Variants in FFAR4 observed in about 807,000 individuals in gnomAD.
FFAR4 encodes G-protein coupled receptor 120.
A neutral mutation model predicts 27.0 loss-of-function variants in FFAR4; 19 were observed. The observed-to-expected ratio is 0.70, with a 90% CI of 0.49 to 1.03. The LOEUF (loss-of-function observed/expected upper bound fraction) is 1.03, where lower values mean the gene tolerates loss of function less well. Among genes scored for constraint, FFAR4 ranks in the 50% least tolerant of loss-of-function variants. The pLI is 0.00. For missense variants in FFAR4, 476 were observed against 479.0 expected (o/e 0.99, Z 0.06); for synonymous variants, 254 against 215.6 (o/e 1.18, Z -1.56).
At chr10:93,583,152 T>C (rs540520861) in intron 2 of FFAR4, among the ~76,000 whole-genome samples, 66 of 149,930 alleles carry the variant, frequency 4.4e-4, no homozygotes, top group African/African-American at 1.1e-3. Flanking sequence ...TCTGTAATCC[T>C]AGCACTTTGG....
intron 1 of FFAR4, among the ~76,000 whole-genome samples, chr10:93,571,036 T>C (rs1486395214): frequency 1.3e-5 from 2 of 152,242 alleles, no homozygotes; most frequent in Non-Finnish European, 2.9e-5. Flanking sequence ...TAGCTATTAT[T>C]AGTTTCCTTA....
intron 2 of FFAR4, among the ~76,000 whole-genome samples, chr10:93,578,313 A>G (rs1189942060): frequency 6.9e-6 from 1 of 145,976 alleles, no homozygotes; most frequent in Non-Finnish European, 1.5e-5. Flanking sequence ...GCTACTGTGG[A>G]GGCTGAGGCA....
At chr10:93,583,821 G>T (rs944256556) in intron 2 of FFAR4, among the ~76,000 whole-genome samples, 12 of 152,242 alleles carry the variant, frequency 7.9e-5, no homozygotes, top group African/African-American at 2.7e-4. Flanking sequence ...CTAAGTGATA[G>T]GTAAGGGCCT....
In FFAR4 at chr10:93,566,728, C is replaced by T; in HGVS notation, c.8C>T (p.Pro3Leu). MSPECARAAGDAP... is the reference protein window; with the variant it reads MSLECARAAGDAP... ...GGCCGCCAGGCGCCGGGAATGTCCC[C>T]TGAATGCGCGCGGGCAGCGGGCGAC... Residue 3 changes from proline (P) to leucine (L), a missense_variant, in exon 1 of 3, where the codon CCT (proline) becomes CTT (leucine). Transcript: ENST00000371481. The T allele has an allele frequency of 6.3e-7, 1 of 1,592,976 alleles. No homozygotes were observed. The highest frequency in any genetic ancestry group is 8.5e-7 in the Non-Finnish European group (1 of 1,173,630).
chr10:93,574,554 A>C (rs532448821), intron 1 of FFAR4, among the ~76,000 whole-genome samples: 4 of 152,270 alleles, frequency 2.6e-5, no homozygotes, highest in African/African-American at 9.6e-5. Flanking sequence ...TCTGGAGAGC[A>C]GTAGTAGCCT....
intron 2 of FFAR4, among the ~76,000 whole-genome samples, chr10:93,580,792 G>A (rs967996530): frequency 6.6e-6 from 1 of 152,224 alleles, no homozygotes; most frequent in Non-Finnish European, 1.5e-5. Context: ...TTCAGGGGCT[G>A]CTTCATGTGC....
At chr10:93,571,134 G>A (rs562554571) in intron 1 of FFAR4, among the ~76,000 whole-genome samples, 15 of 152,152 alleles carry the variant, frequency 9.9e-5, no homozygotes, top group South Asian at 2.1e-4. Context: ...TTAAGAGGGC[G>A]AACACATCCT....
chr10:93,574,268 C>A (rs942360393), intron 1 of FFAR4, among the ~76,000 whole-genome samples: 5 of 152,122 alleles, frequency 3.3e-5, no homozygotes, highest in East Asian at 1.9e-4. Context: ...GTCTTGCTAA[C>A]CCTGGAGAGA....
At chr10:93,574,699 T>C (rs576184411) in intron 1 of FFAR4, among the ~76,000 whole-genome samples, 68 of 151,442 alleles carry the variant, frequency 4.5e-4, no homozygotes, top group Admixed American at 7.9e-4. Context: ...CCATTCTGGC[T>C]AACATGGTGA....
intron 1 of FFAR4, among the ~76,000 whole-genome samples, chr10:93,570,874 C>G (rs1241019646): frequency 6.6e-6 from 1 of 152,132 alleles, no homozygotes; most frequent in Non-Finnish European, 1.5e-5. Context: ...TGACAGAATC[C>G]AAGCTGTCTA....
Position 93,587,968 on chromosome 10 carries a change from G to A in FFAR4, c.*359G>A, listed in dbSNP as rs12245119. 2,901 of 172,440 alleles carry A rather than the reference G, an allele frequency of 0.017. 75 individuals are homozygous for A. The highest frequency in any genetic ancestry group is 0.065 in the African/African-American group (2,737 of 41,790). The allele number at this position is 172,440 out of a possible 1,614,324, so 10.7% of individuals were successfully genotyped here. ...TAGCTGGGAGTGGTGGTGGGCACCTGTAATCCTAGCTACTTGGGAGGCTGA... is the reference window on the plus strand; with the variant it reads ...TAGCTGGGAGTGGTGGTGGGCACCTATAATCCTAGCTACTTGGGAGGCTGA... On this transcript the variant is annotated 3_prime_UTR_variant, in exon 3 of 3. Transcript: ENST00000371481.
chr10:93,571,780 A>G (rs1476465698), intron 1 of FFAR4, among the ~76,000 whole-genome samples: 1 of 152,182 alleles, frequency 6.6e-6, no homozygotes, highest in Admixed American at 6.5e-5. Flanking sequence ...GAAATATCCA[A>G]CTAGGACTCC....
chr10:93,571,694 C>G (rs1259330858), intron 1 of FFAR4, among the ~76,000 whole-genome samples: 1 of 152,152 alleles, frequency 6.6e-6, no homozygotes. Flanking sequence ...TTAGAGAATA[C>G]TTTTGAAATA....
rs1475048812 is a variant in FFAR4 at position 93,567,123 on chromosome 10, G to GA, written c.404dup (p.Arg136AlafsTer178). ...CCTCACGCTGGCCGCGGTCAGCCTG[G>GA]AGCGCATGGTGTGCATCGTGCACCT... On this transcript the variant is annotated frameshift_variant, in exon 1 of 3. Transcript: ENST00000371481. LOFTEE classifies it high-confidence loss of function. The GA allele has an allele frequency of 6.2e-7, 1 of 1,608,498 alleles. No individual in the cohort carries two copies. The highest frequency in any genetic ancestry group is 2.2e-5 in the East Asian group (1 of 44,784).
In FFAR4 at chr10:93,566,904, C is replaced by G. The variant is rs529793279; in HGVS notation, c.184C>G (p.Leu62Val). 3.7e-6 allele frequency: 6 copies of G among 1,608,310 alleles called. No homozygotes were observed. The highest frequency in any genetic ancestry group is 1.7e-5 in the Admixed American group (1 of 59,486). Residue 62 changes from leucine to valine, a missense_variant, in exon 1 of 3, where the codon CTG (leucine) becomes GTG (valine). Transcript: ENST00000371481. ...GTCGCTGCTGGGCAACGTGTGCGCCCTGGTGCTGGTGGCGCGCCGACGACG... is the reference window on the plus strand; with the variant it reads ...GTCGCTGCTGGGCAACGTGTGCGCCGTGGTGCTGGTGGCGCGCCGACGACG... ...AVSLLGNVCALVLVARRRRRG... is the reference protein window; with the variant it reads ...AVSLLGNVCAVVLVARRRRRG...
chr10:93,568,940 G>A (rs1197102732), intron 1 of FFAR4, among the ~76,000 whole-genome samples: 1 of 152,142 alleles, frequency 6.6e-6, no homozygotes, highest in Admixed American at 6.5e-5. Flanking sequence ...GCCAGGATTA[G>A]CTGAGCTGGT....
Position 93,566,713 on chromosome 10 carries a change from C to T in FFAR4, c.-8C>T, listed in dbSNP as rs1184203086. On this transcript the variant is annotated 5_prime_UTR_variant, in exon 1 of 3. Coordinates refer to ENST00000371481, the MANE Select transcript of FFAR4 (RefSeq NM_001195755.2). ...TCTCAGACCGCTGCGGGCCGCCAGG[C>T]GCCGGGAATGTCCCCTGAATGCGCG... is the stretch of plus-strand genomic sequence containing the variant. 6 of 1,561,244 alleles carry T rather than the reference C, an allele frequency of 3.8e-6. No individual in the cohort carries two copies. Among genetic ancestry groups the T allele is most frequent in the East Asian group, 4.6e-5 (2 of 43,538 alleles).
chr10:93,568,293 GGAGA>G (rs2058111869), intron 1 of FFAR4, among the ~76,000 whole-genome samples: 1 of 152,124 alleles, frequency 6.6e-6, no homozygotes, highest in Admixed American at 6.5e-5. Context: ...CATGCCTCGC[GGAGA>G]GAGATAGAGA....
At chr10:93,570,186 T>TCACA (rs1267041824) in intron 1 of FFAR4, among the ~76,000 whole-genome samples, 1 of 144,800 alleles carries the variant, frequency 6.9e-6, no homozygotes, top group African/African-American at 2.6e-5. Context: ...TCTCTGTCTC[T>TCACA]CTCACACACA....
Sources: allele counts gnomAD v4.1 joint callset (sites outside exome capture counted in the v4.1 genomes callset), GRCh38; gene constraint gnomAD v4.1.1; transcripts MANE v1.5; gene names NCBI Gene and HGNC (gene_info 2026-07-23, HGNC 2026-07-21).